The following GRM7 variants were observed in gnomAD, a reference collection of about 807,000 sequenced individuals.
GRM7 encodes the protein glutamate metabotropic receptor 7, also known as metabotropic glutamate receptor 7.
Under a neutral mutation model 84.5 loss-of-function variants are expected in GRM7, and 35 were observed. The ratio of observed to expected loss-of-function variants is 0.41; its 90% CI spans 0.32 to 0.55. The LOEUF is 0.55. Among genes scored for constraint, GRM7 ranks in the 20% least tolerant of loss-of-function variants. GRM7 has a pLI of 0.19. For missense variants in GRM7, 1,003 were observed against 1,194.6 expected, an observed-to-expected ratio of 0.84 and a Z score of 2.36; for synonymous variants, 487 against 455.1, an observed-to-expected ratio of 1.07 and a Z score of -0.89.
intron 1 of GRM7, among the ~76,000 whole-genome samples, chr3:7,102,926 C>G (rs1699164400): frequency 6.6e-6 from 1 of 151,284 alleles, no homozygotes; most frequent in African/African-American, 2.4e-5. Flanking sequence ...ATAGTTTTAT[C>G]TGCTGATATT....
At chr3:7,625,171 A>G (rs1241792340) in intron 8 of GRM7, among the ~76,000 whole-genome samples, 1 of 152,120 alleles carries the variant, frequency 6.6e-6, no homozygotes, top group African/African-American at 2.4e-5. Flanking sequence ...TCAAGGAGAG[A>G]AACTCTTTAG....
chr3:7,234,264 T>C (rs914014212), intron 2 of GRM7, among the ~76,000 whole-genome samples: 1 of 152,190 alleles, frequency 6.6e-6, no homozygotes, highest in Non-Finnish European at 1.5e-5. Flanking sequence ...TTGGAAAACA[T>C]GTACCTGTCT....
chr3:7,300,912 T>C (rs1214738232), intron 3 of GRM7, among the ~76,000 whole-genome samples: 1 of 152,192 alleles, frequency 6.6e-6, no homozygotes, highest in Non-Finnish European at 1.5e-5. Flanking sequence ...CAATAACTAT[T>C]ATAGGGCTCA....
rs553298478 is a variant in GRM7, at chr3:7,555,285, T to C, written c.1516-23137T>C. ...AAGGTGGGATCTGAAGGAATTAGAA[T>C]TTTAAAATTTTGAAACACTGTTGTC... On this transcript the variant is annotated intron_variant, in intron 7 of 9. Coordinates refer to ENST00000357716, the MANE Select transcript of GRM7 (RefSeq NM_000844.4). 3.3e-5 allele frequency among the ~76,000 whole-genome samples: 5 copies of C among 152,280 alleles called. No individual in the cohort carries two copies. The South Asian group carries it at 1.0e-3, about 32-fold the overall frequency.
chr3:7,571,964 T>G (rs2125046469), intron 7 of GRM7, among the ~76,000 whole-genome samples: 1 of 152,212 alleles, frequency 6.6e-6, no homozygotes, highest in East Asian at 1.9e-4. Flanking sequence ...ACTCCCATTT[T>G]TAAAACCATC....
At chr3:7,515,337 A>G (rs1432140049) in intron 7 of GRM7, among the ~76,000 whole-genome samples, 1 of 151,990 alleles carries the variant, frequency 6.6e-6, no homozygotes, top group African/African-American at 2.4e-5. Context: ...TGCCCCGTGC[A>G]TTGTAGCAGG....
At chr3:7,711,969 T>C (rs1701595383) in intron 9 of GRM7, among the ~76,000 whole-genome samples, 1 of 152,202 alleles carries the variant, frequency 6.6e-6, no homozygotes, top group Admixed American at 6.5e-5. Context: ...GTGACTGTCA[T>C]AAAATGAGCA....
chr3:7,403,105 C>T (rs371796934), intron 4 of GRM7: 29 of 420,464 alleles, frequency 6.9e-5, no homozygotes, highest in African/African-American at 2.1e-4. Flanking sequence ...AAAAATAAAA[C>T]GTGAAGCTTC....
At chr3:7,056,330 A>G (rs146695129) in intron 1 of GRM7, among the ~76,000 whole-genome samples, 108 of 152,040 alleles carry the variant, frequency 7.1e-4, no homozygotes, top group Middle Eastern at 6.8e-3. Flanking sequence ...GGGAGTATCC[A>G]TGGCCATTAT....
At chr3:7,357,830 G>A (rs1693478342) in intron 4 of GRM7, among the ~76,000 whole-genome samples, 1 of 151,962 alleles carries the variant, frequency 6.6e-6, no homozygotes, top group African/African-American at 2.4e-5. Context: ...TTTATCAAAA[G>A]TGGGAAATGG....
At chr3:7,682,154 G>A (rs1700393519) in intron 9 of GRM7, 1 of 151,940 alleles carries the variant, frequency 6.6e-6, no homozygotes, top group Admixed American at 6.6e-5. Flanking sequence ...TGACCAACAT[G>A]GAGAAACCCC....
At chr3:7,029,466 C>A (rs893317995) in intron 1 of GRM7, among the ~76,000 whole-genome samples, 1 of 152,086 alleles carries the variant, frequency 6.6e-6, no homozygotes, top group African/African-American at 2.4e-5. Context: ...GAAAACAATA[C>A]AAATGTCAAT....
At chr3:7,281,080 A>T (rs534376926) in intron 2 of GRM7, among the ~76,000 whole-genome samples, 1 of 152,254 alleles carries the variant, frequency 6.6e-6, no homozygotes, top group Non-Finnish European at 1.5e-5. Flanking sequence ...AAGTTTTCTT[A>T]AGCTCTTTCT....
intron 2 of GRM7, among the ~76,000 whole-genome samples, chr3:7,186,420 C>G (rs1436528731): frequency 4.6e-5 from 7 of 152,110 alleles, no homozygotes; most frequent in Non-Finnish European, 8.8e-5. Context: ...GTTTCCTGTA[C>G]AAGAACTTGC....
At chr3:7,301,004 A>G (rs1301966710) in intron 3 of GRM7, among the ~76,000 whole-genome samples, 3 of 152,162 alleles carry the variant, frequency 2.0e-5, no homozygotes, top group African/African-American at 7.2e-5. Context: ...ATTTAACAAT[A>G]AGCTTCTTTT....
rs182840929 is a variant in GRM7, at chr3:7,740,598, A to G, written c.*192A>G. 124 of 447,226 alleles carry G rather than the reference A, an allele frequency of 2.8e-4. 2 individuals are homozygous for G. In the East Asian group the frequency reaches 4.5e-3, roughly 16 times the overall value. The allele number at this position is 447,226 out of a possible 1,614,324, so 27.7% of individuals were successfully genotyped here. ...AATATCCTTACTTTATCTGGGCTTA[A>G]TAAGTCACTGACATCAGCACTGCCA... On this transcript the variant is annotated 3_prime_UTR_variant, in exon 10 of 10. Transcript: ENST00000357716.
At chr3:7,146,148 G>C (rs1239689084) in intron 1 of GRM7, among the ~76,000 whole-genome samples, 1 of 152,148 alleles carries the variant, frequency 6.6e-6, no homozygotes, top group Non-Finnish European at 1.5e-5. Context: ...ATGTTTGGTA[G>C]AATGGTCATA....
rs971684708 is a variant in GRM7 at position 7,307,577 on chromosome 3, G to C, written c.1033+925G>C. On this transcript the variant is annotated intron_variant, in intron 4 of 9. Transcript: ENST00000357716. Reference sequence around the variant, plus strand: ...CTGTGTAGGCTTTTTAGACAAATCAGGTTGTGGTTCTGTCACTGTTTCCTT... The same window carrying C: ...CTGTGTAGGCTTTTTAGACAAATCACGTTGTGGTTCTGTCACTGTTTCCTT... 5.3e-5 allele frequency among the ~76,000 whole-genome samples: 8 copies of C among 152,192 alleles called. No homozygotes were observed. In the South Asian group the frequency reaches 1.7e-3, roughly 31 times the overall value.
intron 7 of GRM7, among the ~76,000 whole-genome samples, chr3:7,564,051 T>C (rs1444661114): frequency 1.3e-5 from 2 of 152,028 alleles, no homozygotes; most frequent in Admixed American, 1.3e-4. Flanking sequence ...AGACCCAAAA[T>C]CAGAGAGAGC....
Sources: gnomAD v4.1 joint callset for allele counts (sites outside exome capture counted in the v4.1 genomes callset) on GRCh38, gnomAD v4.1.1 for gene constraint, MANE v1.5 for transcripts, NCBI Gene and HGNC (gene_info 2026-07-23, HGNC 2026-07-21) for gene names.